TMEM245: variants seen among roughly 807,000 people sequenced by gnomAD.
The protein encoded by TMEM245 is transmembrane protein 245, also known as protein CG-2.
In TMEM245, 69 loss-of-function variants were observed where a neutral mutation model predicts 101.2. The observed-to-expected ratio is 0.68, with a 90% CI of 0.56 to 0.83. The LOEUF (loss-of-function observed/expected upper bound fraction) is 0.83, where lower values mean the gene tolerates loss of function less well. Among genes scored for constraint, TMEM245 ranks in the 40% least tolerant of loss-of-function variants. The probability of loss-of-function intolerance (pLI) is 0.00; values close to 1 mark genes in which losing one functional copy is unlikely to be tolerated. For missense variants in TMEM245, 1,075 were observed against 1,092.8 expected (o/e 0.98, Z 0.23); for synonymous variants, 537 against 449.8 (o/e 1.19, Z -2.45).
intron 15 of TMEM245, among the ~76,000 whole-genome samples, chr9:109,036,857 T>G (rs1828142571): frequency 6.6e-6 from 1 of 152,198 alleles, no homozygotes; most frequent in Non-Finnish European, 1.5e-5. Flanking sequence ...GCACTCTTCC[T>G]CCATCTGGCT....
At chr9:109,090,188 G>T (rs993982445) in intron 5 of TMEM245, among the ~76,000 whole-genome samples, 2 of 152,054 alleles carry the variant, frequency 1.3e-5, no homozygotes, top group African/African-American at 2.4e-5. Flanking sequence ...TTGAACCCAG[G>T]GGGCAAAGGC....
At chr9:109,051,294 A>AC (rs1828672974) in intron 12 of TMEM245, among the ~76,000 whole-genome samples, 7 of 122,520 alleles carry the variant, frequency 5.7e-5, no homozygotes, top group African/African-American at 9.2e-5. Flanking sequence ...CTCTGTCTCA[A>AC]AACACACACA....
chr9:109,087,081 C>T, intron 6 of TMEM245, 92 bp downstream of exon 6: 1 of 1,111,270 alleles, frequency 9.0e-7, no homozygotes. Flanking sequence ...GTGTTATCAA[C>T]AGTTACAATA....
intron 8 of TMEM245, among the ~76,000 whole-genome samples, chr9:109,074,062 G>A (rs1259741053): frequency 2.6e-5 from 4 of 152,010 alleles, no homozygotes; most frequent in Non-Finnish European, 4.4e-5. Flanking sequence ...GTTTTGCCAT[G>A]TTGGCCAGGC....
At chr9:109,086,126 C>A in intron 6 of TMEM245, 106 bp from the exon 7 acceptor site, 1 of 1,226,844 alleles carries the variant, frequency 8.2e-7, no homozygotes, top group Non-Finnish European at 1.2e-6. Context: ...AGAAGGAAAC[C>A]ATCCCAGACA....
At chr9:109,054,966 T>C (rs1400706682) in intron 12 of TMEM245, among the ~76,000 whole-genome samples, 1 of 152,248 alleles carries the variant, frequency 6.6e-6, no homozygotes, top group Admixed American at 6.5e-5. Flanking sequence ...CCTGAACTGT[T>C]CATTACTCAA....
At chr9:109,098,751 C>T (rs915713980) in intron 3 of TMEM245, among the ~76,000 whole-genome samples, 28 of 152,190 alleles carry the variant, frequency 1.8e-4, no homozygotes, top group Admixed American at 9.8e-4. Context: ...AAAGAACATC[C>T]AAGGTTTCAG....
At chr9:109,056,473 G>A (rs904649381) in intron 12 of TMEM245, among the ~76,000 whole-genome samples, 4 of 146,174 alleles carry the variant, frequency 2.7e-5, no homozygotes, top group Non-Finnish European at 4.5e-5. Flanking sequence ...AAAATTAGCT[G>A]GGTGTGGTGG....
At chr9:109,026,467 C>T (rs918430880) in intron 17 of TMEM245, among the ~76,000 whole-genome samples, 10 of 151,312 alleles carry the variant, frequency 6.6e-5, no homozygotes, top group Non-Finnish European at 1.3e-4. Context: ...GAGGATTATC[C>T]AGATAGAGAA....
chr9:109,075,993 A>G (rs368175247), intron 8 of TMEM245, among the ~76,000 whole-genome samples: 1 of 152,328 alleles, frequency 6.6e-6, no homozygotes, highest in Middle Eastern at 3.4e-3. Context: ...TTCCAACAAG[A>G]CACTGCTTCA....
chr9:109,030,923 A>C (rs1827926326), intron 17 of TMEM245, among the ~76,000 whole-genome samples: 1 of 152,252 alleles, frequency 6.6e-6, no homozygotes. Flanking sequence ...AAAGAATTTT[A>C]CATAAAAGTA....
At chr9:109,045,719 T>C (rs1828469916) in intron 14 of TMEM245, among the ~76,000 whole-genome samples, 1 of 152,222 alleles carries the variant, frequency 6.6e-6, no homozygotes, top group Non-Finnish European at 1.5e-5. Context: ...ATTTTTAAGG[T>C]AATTTACCTT....
At chr9:109,080,601 T>C (rs1829639101) in intron 8 of TMEM245, among the ~76,000 whole-genome samples, 1 of 152,096 alleles carries the variant, frequency 6.6e-6, no homozygotes, top group Admixed American at 6.5e-5. Flanking sequence ...TTTTCATTTG[T>C]ATTTACTCCC....
rs1828199305 is a variant in TMEM245 at position 109,038,292 on chromosome 9, T to G, written c.2124-175A>C. On this transcript the variant is annotated intron_variant, in intron 14 of 17. Transcript: ENST00000374586. ...ACATAAACACCTTACTTTAAATACA[T>G]TTACTAAGTTATTCTTTATGTAATA... The G allele has an allele frequency of 1.3e-5, 6 of 452,702 alleles. No individual in the cohort carries two copies. The East Asian group carries it at 2.1e-4, about 16-fold the overall frequency. The allele number at this position is 452,702 out of a possible 1,614,324, so 28.0% of individuals were successfully genotyped here.
At chr9:109,057,375 G>A in intron 11 of TMEM245, 53 bp from the exon 12 acceptor site, 2 of 1,586,140 alleles carry the variant, frequency 1.3e-6, no homozygotes, top group Non-Finnish European at 1.7e-6. Context: ...CTAAAGAACA[G>A]AAAGTATAAA....
chr9:109,099,912 C>G (rs1830240632), intron 3 of TMEM245, among the ~76,000 whole-genome samples: 1 of 152,170 alleles, frequency 6.6e-6, no homozygotes, highest in Non-Finnish European at 1.5e-5. Flanking sequence ...TCAGCCCCAG[C>G]CATCTCTTGC....
intron 3 of TMEM245, among the ~76,000 whole-genome samples, chr9:109,104,350 T>TA (rs1193404773): frequency 1.1e-4 from 16 of 151,652 alleles, no homozygotes; most frequent in Non-Finnish European, 1.5e-4. Context: ...AATTTAAAAT[T>TA]AAAAAAAACA....
At chr9:109,106,884 C>T (rs1373414914) in intron 2 of TMEM245, among the ~76,000 whole-genome samples, 2 of 152,070 alleles carry the variant, frequency 1.3e-5, no homozygotes, top group African/African-American at 4.8e-5. Context: ...TCTATTGTAA[C>T]GTATACCAAA....
intron 12 of TMEM245, among the ~76,000 whole-genome samples, chr9:109,054,399 A>C (rs767045731): frequency 4.6e-4 from 70 of 152,324 alleles, no homozygotes; most frequent in Admixed American, 1.6e-3. Flanking sequence ...GATTCCTTCT[A>C]CCTCCAAAAA....
Sources: gnomAD v4.1 joint callset for allele counts (sites outside exome capture counted in the v4.1 genomes callset) on GRCh38, gnomAD v4.1.1 for gene constraint, MANE v1.5 for transcripts, NCBI Gene and HGNC (gene_info 2026-07-23, HGNC 2026-07-21) for gene names.